Variants in LYRM4 observed in about 807,000 individuals in gnomAD.
LYRM4 encodes LYR motif containing 4, also known as LYR motif-containing protein 4.
LYRM4 carries 9 observed loss-of-function variants against 11.7 expected under a neutral mutation model. The observed-to-expected ratio is 0.77, with a 90% confidence interval of 0.46 to 1.34. The LOEUF (loss-of-function observed/expected upper bound fraction) is 1.34. Among genes scored for constraint, LYRM4 ranks in the 40% most tolerant of loss-of-function variants. The pLI, the probability that LYRM4 is intolerant of heterozygous loss-of-function variation, is 0.00. For missense variants in LYRM4, 133 were observed against 112.5 expected, an observed-to-expected ratio of 1.18 and a Z score of -0.82; for synonymous variants, 42 against 40.4, an observed-to-expected ratio of 1.04 and a Z score of -0.15.
chr6:5,184,174 T>G (rs1401873422), intron 2 of LYRM4, among the ~76,000 whole-genome samples: 1 of 152,072 alleles, frequency 6.6e-6, no homozygotes, highest in African/African-American at 2.4e-5. Flanking sequence ...TGAAGACAAA[T>G]TTTTTTCATA....
intron 2 of LYRM4, among the ~76,000 whole-genome samples, chr6:5,162,353 G>A (rs1187708172): frequency 6.6e-6 from 1 of 152,160 alleles, no homozygotes; most frequent in Admixed American, 6.5e-5. Flanking sequence ...CACACAAGAG[G>A]CCTCCTTACT....
the LYRM4 span, among the ~76,000 whole-genome samples, chr6:5,051,583 T>C: frequency 2.0e-5 from 3 of 152,302 alleles, no homozygotes; most frequent in East Asian, 3.9e-4. Flanking sequence ...GAATGTTATA[T>C]CCAGCAAAAC....
In LYRM4 at chr6:5,256,490, G is replaced by GAAAAAAAAAAAAAAAAAAAAA. The variant is rs777995486; in HGVS notation, c.86+4157_86+4158insTTTTTTTTTTTTTTTTTTTTT. Among the ~76,000 whole-genome samples, 31 of 37,518 alleles carry GAAAAAAAAAAAAAAAAAAAAA rather than the reference G, an allele frequency of 8.3e-4. 13 individuals are homozygous for GAAAAAAAAAAAAAAAAAAAAA. Among genetic ancestry groups the GAAAAAAAAAAAAAAAAAAAAA allele is most frequent in the Admixed American group, 1.1e-3 (3 of 2,788 alleles). The allele number at this position is 37,518 out of a possible 152,430, so 24.6% of individuals were successfully genotyped here. ...GGGCAACAAGGGCAAGATTTCAACT[G>GAAAAAAAAAAAAAAAAAAAAA]GAAAAAAAAAAAAAAAAAAAAAAAA... On this transcript the variant is annotated intron_variant, in intron 1 of 2. Transcript: ENST00000330636.
At chr6:5,065,762 T>TA in the LYRM4 span, 1 of 275,100 alleles carries the variant, frequency 3.6e-6, no homozygotes, top group Non-Finnish European at 6.6e-6. Context: ...TCCAAATAAA[T>TA]AAACTGCTCC....
rs1758798552 is a variant in LYRM4, at chr6:5,162,173, G to C, written c.208-52682C>G. Among the ~76,000 whole-genome samples, 2 of 152,274 alleles carry C rather than the reference G, an allele frequency of 1.3e-5. 1 individual carries two copies. The highest frequency in any genetic ancestry group is 6.8e-3 in the Middle Eastern group (2 of 294). ...GGCTGTCAACCCTGCCTGCACTGCAGAATCACCTGGCTACACTCTTGGCCT... is the reference window on the plus strand; with the variant it reads ...GGCTGTCAACCCTGCCTGCACTGCACAATCACCTGGCTACACTCTTGGCCT... On this transcript the variant is annotated intron_variant, in intron 2 of 2. Transcript: ENST00000330636.
chr6:5,090,015 G>GACACACACACACAC, the LYRM4 span, among the ~76,000 whole-genome samples: 3,668 of 149,690 alleles, frequency 0.025, 97 homozygotes, highest in African/African-American at 0.061. This position sits in a 1 kb window ranked among gnomAD's most constrained non-coding sequence, Gnocchi z 4.8. Flanking sequence ...CTGAAAGGAA[G>GACACACACACACAC]ACACACACAC....
intron 2 of LYRM4, among the ~76,000 whole-genome samples, chr6:5,154,622 C>T (rs1157087390): frequency 1.3e-5 from 2 of 152,152 alleles, no homozygotes; most frequent in African/African-American, 4.8e-5. Context: ...CGAGACCATC[C>T]TGACGAACAC....
the LYRM4 span, chr6:5,033,834 A>C: frequency 6.6e-6 from 1 of 152,266 alleles, no homozygotes; most frequent in Non-Finnish European, 1.5e-5. Context: ...CTTCACTAAA[A>C]TGTGTTTGTA....
At chr6:5,086,176 G>A in the LYRM4 span, 54 of 1,531,772 alleles carry the variant, frequency 3.5e-5, no homozygotes, top group African/African-American at 7.0e-4. Context: ...GGCCTCGGGC[G>A]CTGAGGTGAA....
At chr6:5,091,254 C>T in the LYRM4 span, among the ~76,000 whole-genome samples, 4 of 152,188 alleles carry the variant, frequency 2.6e-5, no homozygotes, top group Admixed American at 6.5e-5. Flanking sequence ...TGCAGTGTCC[C>T]GGCCTCCCCT....
intron 2 of LYRM4, among the ~76,000 whole-genome samples, chr6:5,199,860 A>G (rs1373190104): frequency 6.6e-6 from 1 of 152,204 alleles, no homozygotes; most frequent in African/African-American, 2.4e-5. Flanking sequence ...TTGCTTCTAC[A>G]GGTCTCCTTG....
intron 1 of LYRM4, among the ~76,000 whole-genome samples, chr6:5,252,406 T>C (rs1355727087): frequency 6.6e-6 from 1 of 152,204 alleles, no homozygotes; most frequent in East Asian, 1.9e-4. Context: ...GGATTTTACC[T>C]AGCATTTAAC....
the LYRM4 span, among the ~76,000 whole-genome samples, chr6:5,079,420 G>A: frequency 6.6e-6 from 1 of 152,198 alleles, no homozygotes; most frequent in Non-Finnish European, 1.5e-5. Context: ...CTGCTTTTAG[G>A]TAGAAAGGGG....
the LYRM4 span, among the ~76,000 whole-genome samples, chr6:5,075,156 G>A: frequency 6.6e-6 from 1 of 152,122 alleles, no homozygotes; most frequent in Non-Finnish European, 1.5e-5. Flanking sequence ...CATGCTTCCT[G>A]TATAGCCTGC....
intron 1 of LYRM4, among the ~76,000 whole-genome samples, chr6:5,226,624 G>A (rs1342345670): frequency 3.9e-5 from 6 of 152,106 alleles, no homozygotes; most frequent in Non-Finnish European, 5.9e-5. Context: ...TGATCCGCCC[G>A]CCTCAGCCTC....
chr6:5,236,117 A>C (rs1561891812), intron 1 of LYRM4, among the ~76,000 whole-genome samples: 3 of 152,328 alleles, frequency 2.0e-5, no homozygotes, highest in South Asian at 4.1e-4. Context: ...TTAATAAACA[A>C]GTGGAGTGAT....
chr6:5,120,194 C>T (rs190007535), intron 2 of LYRM4, among the ~76,000 whole-genome samples: 238 of 152,222 alleles, frequency 1.6e-3, no homozygotes, highest in Admixed American at 2.9e-3. Context: ...GGTGCCTGGC[C>T]GGGAATGAAA....
chr6:5,085,818 C>G, the LYRM4 span: 1 of 1,527,122 alleles, frequency 6.5e-7, no homozygotes, highest in African/African-American at 1.4e-5. Context: ...CACTGGGCGG[C>G]GAGGGGGCGG....
intron 1 of LYRM4, among the ~76,000 whole-genome samples, chr6:5,219,538 A>T (rs1466051153): frequency 6.6e-6 from 1 of 152,132 alleles, no homozygotes; most frequent in Non-Finnish European, 1.5e-5. Context: ...AGAACCACAA[A>T]ACTACTACTG....
Sources: allele counts gnomAD v4.1 joint callset (sites outside exome capture counted in the v4.1 genomes callset), GRCh38; gene constraint gnomAD v4.1.1; non-coding constraint Gnocchi (gnomAD v3.1); transcripts MANE v1.5; gene names NCBI Gene and HGNC (gene_info 2026-07-23, HGNC 2026-07-21).